Variants in SLC16A11 observed in about 807,000 individuals in gnomAD.
The protein encoded by SLC16A11 is solute carrier family 16 member 11, also known as monocarboxylate transporter 11.
SLC16A11 carries 24 observed loss-of-function variants against 26.0 expected under a neutral mutation model. The observed-to-expected ratio is 0.92, with a 90% CI of 0.67 to 1.30. The LOEUF (loss-of-function observed/expected upper bound fraction) is 1.30, where lower values mean the gene tolerates loss of function less well. Among genes scored for constraint, SLC16A11 ranks in the 50% most tolerant of loss-of-function variants. The pLI is 0.00. For synonymous variants in SLC16A11, 332 were observed against 296.0 expected (o/e 1.12, Z -1.25); for missense variants, 638 against 597.7 (o/e 1.07, Z -0.70).
rs1299981816 is a variant in SLC16A11, at chr17:7,043,479, C to A, written c.35G>T (p.Gly12Val). The change falls in exon 2 of 5, where the codon GGC (glycine) becomes GTC (valine). Residue 12 changes from glycine to valine, a missense_variant. By Grantham distance (109) the Gly-to-Val change is moderately radical. Transcript: ENST00000574600. ...TPQPAGPPDG[G>V]WGWVVAAAAF... ...TGCGGCCGCCACCACCCAGCCCCAG[C>A]CCCCATCCGGGGGTCCGGCGGGCTG... is the stretch of plus-strand genomic sequence containing the variant. 1.3e-6 allele frequency: 2 copies of A among 1,598,564 alleles called. No homozygotes were observed. The highest frequency in any genetic ancestry group is 1.7e-6 in the Non-Finnish European group (2 of 1,177,784).
chr17:7,043,183 C>T, intron 2 of SLC16A11, 110 bp from the exon 3 acceptor site: 1 of 1,464,400 alleles, frequency 6.8e-7, no homozygotes, highest in Non-Finnish European at 9.0e-7. Context: ...TCTCCTTGAC[C>T]TCAAGATGCA....
chr17:7,042,994 G>T lies in SLC16A11; in HGVS notation c.282C>A (p.Gly94=). ...VMVGGVLASL[G]FVFSAFASDL... is the part of the protein sequence containing the mutation. ...CGCTGGCGAAAGCCGAGAAGACGAA[G>T]CCCAGCGAGGCGAGGACGCCCCCAA... The change falls in exon 3 of 5, where the codon GGC becomes GGA. Residue 94 remains glycine (G), a synonymous_variant. Coordinates refer to ENST00000574600, the MANE Select transcript of SLC16A11 (RefSeq NM_001370549.1). This position sits in a 1 kb window ranked among gnomAD's most constrained non-coding sequence, Gnocchi z 5.9. The T allele has an allele frequency of 6.2e-7, 1 of 1,608,404 alleles. No individual in the cohort carries two copies. The highest frequency in any genetic ancestry group is 8.5e-7 in the Non-Finnish European group (1 of 1,177,676).
intron 2 of SLC16A11, 86 bp from the exon 3 acceptor site, chr17:7,043,159 G>C: frequency 6.9e-7 from 1 of 1,458,074 alleles, no homozygotes; most frequent in Non-Finnish European, 9.0e-7. Flanking sequence ...TGCCTCCCTC[G>C]AACTAATGGT....
chr17:7,042,785 T>C lies in SLC16A11; in HGVS notation c.347-22A>G. The C allele has an allele frequency of 1.3e-6, 2 of 1,541,358 alleles. No homozygotes were observed. Among genetic ancestry groups the C allele is most frequent in the Non-Finnish European group, 1.7e-6 (2 of 1,145,598 alleles). On this transcript the variant is annotated intron_variant, in intron 3 of 4. Transcript: ENST00000574600. The surrounding 1 kb of genome is among the most constrained non-coding windows in gnomAD (Gnocchi z 5.9). Reference sequence around the variant, plus strand: ...AAGCCTGCGAATGAATAGGAGGGGATGGGGGCCGGCACTGGGGACGCCCGC... The same window carrying C: ...AAGCCTGCGAATGAATAGGAGGGGACGGGGGCCGGCACTGGGGACGCCCGC...
chr17:7,043,032 GGCGGGCCCCCCAGC>G lies in SLC16A11; in HGVS notation c.230_243del (p.Arg77ProfsTer124). On this transcript the variant is annotated frameshift_variant, in exon 3 of 5. Transcript: ENST00000574600. LOFTEE classifies it high-confidence loss of function. Reference sequence around the variant, plus strand: ...AGGACGCCCCCAACCATCACCACGGGGCGGGCCCCCCAGCGCGTGCTCAGGGCGCTGCCCACGGG... The same window carrying G: ...AGGACGCCCCCAACCATCACCACGGGGCGTGCTCAGGGCGCTGCCCACGGG... 1 of 1,580,752 alleles carries G rather than the reference GGCGGGCCCCCCAGC, an allele frequency of 6.3e-7. No individual in the cohort carries two copies. Among genetic ancestry groups the G allele is most frequent in the Non-Finnish European group, 8.6e-7 (1 of 1,163,306 alleles).
Position 7,043,034 on chromosome 17 carries a change from C to T in SLC16A11, c.242G>A (p.Arg81His), listed in dbSNP as rs1309744992. The T allele has an allele frequency of 3.2e-6, 5 of 1,578,798 alleles. No individual in the cohort carries two copies. The highest frequency in any genetic ancestry group is 4.3e-6 in the Non-Finnish European group (5 of 1,162,266). ...GACGCCCCCAACCATCACCACGGGG[C>T]GGGCCCCCCAGCGCGTGCTCAGGGC... ...GSALSTRWGA[R>H]PVVMVGGVLA... Residue 81 changes from arginine (R) to histidine (H), a missense_variant, in exon 3 of 5, where the codon CGC becomes CAC. Arg to His is a conservative substitution (Grantham distance 29, BLOSUM62 0). Coordinates refer to ENST00000574600, the MANE Select transcript of SLC16A11 (RefSeq NM_001370549.1).
At chr17:7,043,161 A>G (rs1910844070) in intron 2 of SLC16A11, 88 bp from the exon 3 acceptor site, 2 of 1,459,176 alleles carry the variant, frequency 1.4e-6, no homozygotes, top group South Asian at 2.9e-5. Context: ...CCTCCCTCGA[A>G]CTAATGGTTC....
At position 7,042,682 on chromosome 17, in the gene SLC16A11, C is replaced by G. The variant is rs1910816949; in HGVS notation, c.428G>C (p.Gly143Ala). 1 of 1,554,296 alleles carries G rather than the reference C, an allele frequency of 6.4e-7. No homozygotes were observed. Among genetic ancestry groups the G allele is most frequent in the Non-Finnish European group, 8.7e-7 (1 of 1,153,952 alleles). Residue 143 changes from glycine to alanine, a missense_variant, in exon 4 of 5, where the codon GGG becomes GCG. By Grantham distance (60) the Gly-to-Ala change is moderately conservative. Coordinates refer to ENST00000574600, the MANE Select transcript of SLC16A11 (RefSeq NM_001370549.1). The surrounding 1 kb of genome is among the most constrained non-coding windows in gnomAD (Gnocchi z 5.9). ...YFSRRRVLAV[G>A]LALTGNGASS... ...GGCCCCGTTGCCGGTGAGCGCCAGC[C>G]CCACCGCCAAGACTCGACGGCGGGA... is the stretch of plus-strand genomic sequence containing the variant.
In SLC16A11 at chr17:7,042,892, C is replaced by T. The variant is rs751872585; in HGVS notation, c.346+38G>A. 4 of 1,612,044 alleles carry T rather than the reference C, an allele frequency of 2.5e-6. No homozygotes were observed. The South Asian group carries it at 4.4e-5, about 18-fold the overall frequency. On this transcript the variant is annotated intron_variant, in intron 3 of 4. Transcript: ENST00000574600. The surrounding 1 kb of genome is among the most constrained non-coding windows in gnomAD (Gnocchi z 5.9). ...GATCCCAACAAGCTCCTGTCACCTC[C>T]TTCACCCTGAATGACCCGGGCATCC...
At position 7,042,783 on chromosome 17, in the gene SLC16A11, G is replaced by A. The variant is rs1910823261; in HGVS notation, c.347-20C>T. On this transcript the variant is annotated intron_variant, in intron 3 of 4. Coordinates refer to ENST00000574600, the MANE Select transcript of SLC16A11 (RefSeq NM_001370549.1). The surrounding 1 kb of genome is among the most constrained non-coding windows in gnomAD (Gnocchi z 5.9). The stretch of plus-strand genomic sequence containing the variant: ...CAAAGCCTGCGAATGAATAGGAGGG[G>A]ATGGGGGCCGGCACTGGGGACGCCC... The A allele has an allele frequency of 1.3e-6, 2 of 1,541,310 alleles. No individual in the cohort carries two copies. Among genetic ancestry groups the A allele is most frequent in the Non-Finnish European group, 1.7e-6 (2 of 1,145,750 alleles).
In SLC16A11 at chr17:7,042,507, G is replaced by A. The variant is rs769789178; in HGVS notation, c.603C>T (p.Ala201=). 2.6e-6 allele frequency: 4 copies of A among 1,562,742 alleles called. No homozygotes were observed. Among genetic ancestry groups the A allele is most frequent in the Middle Eastern group, 1.7e-4 (1 of 6,000 alleles). ...GGGCAGCTAGGGGACTACGCGGTGGGGCTGGGGGGTCTCCAGGAAGGACCA... is the reference window on the plus strand; with the variant it reads ...GGGCAGCTAGGGGACTACGCGGTGGAGCTGGGGGGTCTCCAGGAAGGACCA... ...LPLVLPGDPP[A]PPRSPLAALG... The change falls in exon 4 of 5, where the codon GCC becomes GCT. Residue 201 remains alanine, a synonymous_variant. Transcript: ENST00000574600. The surrounding 1 kb of genome is among the most constrained non-coding windows in gnomAD (Gnocchi z 5.9).
At chr17:7,043,626 C>T (rs565031427) in intron 1 of SLC16A11, 107 bp from the exon 2 acceptor site, 6 of 1,499,496 alleles carry the variant, frequency 4.0e-6, no homozygotes, top group Non-Finnish European at 8.8e-7. Context: ...GGGGTGGGCC[C>T]GTCACTCCGA....
In SLC16A11 at chr17:7,043,755, GC is replaced by G; in HGVS notation, c.-7+19del. The G allele has an allele frequency of 2.7e-6, 2 of 735,456 alleles. No homozygotes were observed. Among genetic ancestry groups the G allele is most frequent in the Non-Finnish European group, 4.2e-6 (2 of 476,966 alleles). 45.6% of individuals were successfully genotyped at this position (735,456 alleles called of 1,614,324 possible). On this transcript the variant is annotated intron_variant, in intron 1 of 4. Transcript: ENST00000574600. ...CCAGGCCCGAGGTTCCCCGTCCCAC[GC>G]ACACTCCTTCCCCCTTACCCGACCT...
Position 7,042,087 on chromosome 17 carries a change from G to C in SLC16A11, c.1023C>G (p.Pro341=), listed in dbSNP as rs745440828. The C allele has an allele frequency of 1.9e-6, 3 of 1,606,760 alleles. No homozygotes were observed. The highest frequency in any genetic ancestry group is 1.3e-5 in the African/African-American group (1 of 74,852). Residue 341 remains proline (P), a synonymous_variant, in exon 4 of 5, where the codon CCC becomes CCG. Coordinates refer to ENST00000574600, the MANE Select transcript of SLC16A11 (RefSeq NM_001370549.1). The surrounding 1 kb of genome is among the most constrained non-coding windows in gnomAD (Gnocchi z 5.9). ...SYAPLVFGVL[P]GLVGVGGVVQ... ...CCACACCTCCGACGCCCACCAGCCC[G>C]GGGAGTACACCGAAAACCAGCGGGG...
At position 7,043,470 on chromosome 17, in the gene SLC16A11, C is replaced by A; in HGVS notation, c.44G>T (p.Trp15Leu). The A allele has an allele frequency of 6.3e-7, 1 of 1,597,658 alleles. No individual in the cohort carries two copies. ...CGCGAAGGCTGCGGCCGCCACCACC[C>A]AGCCCCAGCCCCCATCCGGGGGTCC... is the stretch of plus-strand genomic sequence containing the variant. ...PAGPPDGGWG[W>L]VVAAAAFAIN... Residue 15 changes from tryptophan to leucine, a missense_variant, in exon 2 of 5, where the codon TGG becomes TTG. Transcript: ENST00000574600.
In SLC16A11 at chr17:7,043,452, G is replaced by A. The variant is rs781721366; in HGVS notation, c.62C>T (p.Ala21Val). The change falls in exon 2 of 5, where the codon GCC becomes GTC. Residue 21 changes from alanine to valine, a missense_variant. Ala to Val is a moderately conservative substitution (Grantham distance 64, BLOSUM62 0). Coordinates refer to ENST00000574600, the MANE Select transcript of SLC16A11 (RefSeq NM_001370549.1). ...GTAGGACAGCCCGTTTATCGCGAAG[G>A]CTGCGGCCGCCACCACCCAGCCCCA... ...GGWGWVVAAA[A>V]FAINGLSYGL... The A allele has an allele frequency of 6.3e-7, 1 of 1,597,274 alleles. No individual in the cohort carries two copies. Among genetic ancestry groups the A allele is most frequent in the South Asian group, 1.1e-5 (1 of 90,406 alleles).
In SLC16A11 at chr17:7,043,328, G is replaced by C; in HGVS notation, c.186C>G (p.Ala62=). 1 of 1,606,370 alleles carries C rather than the reference G, an allele frequency of 6.2e-7. No individual in the cohort carries two copies. Among genetic ancestry groups the C allele is most frequent in the Middle Eastern group, 1.9e-4 (1 of 5,248 alleles). ...CCCCCTCACTGGCTGCCTGCTGCAC[G>C]GCCAGGGCCAGGGCGCTGATCCACG... ...DTAWISALAL[A]VQQAASPVGS... Residue 62 remains alanine (A), a synonymous_variant, in exon 2 of 5, where the codon GCC becomes GCG. Coordinates refer to ENST00000574600, the MANE Select transcript of SLC16A11 (RefSeq NM_001370549.1).
rs1213899523 is a variant in SLC16A11 at position 7,043,096 on chromosome 17, G to T, written c.203-23C>A. 3.3e-6 allele frequency: 5 copies of T among 1,507,042 alleles called. No homozygotes were observed. In the South Asian group the frequency reaches 6.4e-5, roughly 19 times the overall value. The allele number at this position is 1,507,042 out of a possible 1,614,324, so 93.4% of individuals were successfully genotyped here. A position where few individuals can be genotyped will look rare whatever the true frequency, so the allele number is the denominator to read the frequency against. On this transcript the variant is annotated intron_variant, in intron 2 of 4. Coordinates refer to ENST00000574600, the MANE Select transcript of SLC16A11 (RefSeq NM_001370549.1). The stretch of plus-strand genomic sequence containing the variant: ...GGCCTGAAAGGGGGCGGAGTCAACG[G>T]AAGACACGCCCCCGGGCCCCCAAAC...
Position 7,042,341 on chromosome 17 carries a change from G to C in SLC16A11, c.769C>G (p.Leu257Val). ...CCCATCGCAGCCACGGCCACCACCA[G>C]CGCTGCTCCGTATCCCCCCAGGCCC... The part of the protein sequence containing the change: ...DRGLGGYGAA[L>V]VVAVAAMGDA... Residue 257 changes from leucine (L) to valine (V), a missense_variant, in exon 4 of 5, where the codon CTG becomes GTG. Coordinates refer to ENST00000574600, the MANE Select transcript of SLC16A11 (RefSeq NM_001370549.1). This position sits in a 1 kb window ranked among gnomAD's most constrained non-coding sequence, Gnocchi z 5.9. 3 of 1,556,946 alleles carry C rather than the reference G, an allele frequency of 1.9e-6. No homozygotes were observed. Among genetic ancestry groups the C allele is most frequent in the Non-Finnish European group, 2.6e-6 (3 of 1,149,468 alleles).
Sources: gnomAD v4.1 joint callset for allele counts on GRCh38, gnomAD v4.1.1 for gene constraint, Gnocchi (gnomAD v3.1) non-coding constraint, MANE v1.5 for transcripts, NCBI Gene and HGNC (gene_info 2026-07-23, HGNC 2026-07-21) for gene names.